Variants in CELSR3 observed in about 807,000 individuals in gnomAD.
The protein encoded by CELSR3 is EGF-like protein 1.
In CELSR3, 73 loss-of-function variants were observed where a neutral mutation model predicts 270.0. The observed-to-expected ratio is 0.27, with a 90% CI of 0.22 to 0.33. The LOEUF (loss-of-function observed/expected upper bound fraction) is 0.33. Among genes scored for constraint, CELSR3 ranks in the 10% least tolerant of loss-of-function variants. The pLI is 1.00. For synonymous variants in CELSR3, 1,780 were observed against 1,905.4 expected, an observed-to-expected ratio of 0.93 and a Z score of 1.71; for missense variants, 3,614 against 4,533.8, an observed-to-expected ratio of 0.80 and a Z score of 5.83.
In CELSR3 at chr3:48,658,431, T is replaced by TA. The variant is rs1488173726; in HGVS notation, c.3748+455dup. On this transcript the variant is annotated intron_variant, in intron 1 of 34. Transcript: ENST00000164024. This position sits in a 1 kb window ranked among gnomAD's most constrained non-coding sequence, Gnocchi z 4.7. Reference sequence around the variant, plus strand: ...AGCCACTGTCCACCTGAAGCTTCCATAGTAAGCTGCTGTTCCTGACCACTC... The same window carrying TA: ...AGCCACTGTCCACCTGAAGCTTCCATAAGTAAGCTGCTGTTCCTGACCACTC... Among the ~76,000 whole-genome samples, 1 of 152,188 alleles carries TA rather than the reference T, an allele frequency of 6.6e-6. No individual in the cohort carries two copies. The highest frequency in any genetic ancestry group is 6.5e-5 in the Admixed American group (1 of 15,278).
chr3:48,644,810 T>A lies in CELSR3; in HGVS notation c.7991A>T (p.Asp2664Val). Residue 2664 changes from aspartate (D) to valine (V), a missense_variant, in exon 26 of 35, where the codon GAC becomes GTC. Physicochemically the swap from Asp to Val is radical, Grantham distance 152 (BLOSUM62 -3). Transcript: ENST00000164024. This position sits in a 1 kb window ranked among gnomAD's most constrained non-coding sequence, Gnocchi z 4.8. ...AVLLGLAVGL[D>V]PEGYGNPDFC... is the part of the protein sequence containing the mutation. ...GTCAGGGTTCCCATAGCCCTCAGGG[T>A]CCAGGCCCACAGCAAGGCCTTGGGA... 1 of 1,613,144 alleles carries A rather than the reference T, an allele frequency of 6.2e-7. No homozygotes were observed. Among genetic ancestry groups the A allele is most frequent in the Non-Finnish European group, 8.5e-7 (1 of 1,179,862 alleles).
chr3:48,640,696 C>A lies in CELSR3; in HGVS notation c.9026-137G>T. ...GGAGCAGGAACCCCTTGGGGAGCAG[C>A]AGAGGCAACCCTGGTGGTCCCAGAG... is the stretch of plus-strand genomic sequence containing the variant. On this transcript the variant is annotated intron_variant, in intron 33 of 34. Coordinates refer to ENST00000164024, the MANE Select transcript of CELSR3 (RefSeq NM_001407.3). The surrounding 1 kb of genome is among the most constrained non-coding windows in gnomAD (Gnocchi z 7.5). 1 of 933,862 alleles carries A rather than the reference C, an allele frequency of 1.1e-6. No homozygotes were observed. The allele number at this position is 933,862 out of a possible 1,614,324, so 57.8% of individuals were successfully genotyped here. A position where few individuals can be genotyped will look rare whatever the true frequency, so the allele number is the denominator to read the frequency against.
At position 48,638,031 on chromosome 3, in the gene CELSR3, C is replaced by T. The variant is rs2046988370; in HGVS notation, c.*174G>A. The stretch of plus-strand genomic sequence containing the variant: ...GTCCCCCGTCTCTGCACCTGTCACA[C>T]GCATGCTCACAGATGCACATGGAGC... On this transcript the variant is annotated 3_prime_UTR_variant, in exon 35 of 35. Coordinates refer to ENST00000164024, the MANE Select transcript of CELSR3 (RefSeq NM_001407.3). 8 of 605,298 alleles carry T rather than the reference C, an allele frequency of 1.3e-5. No homozygotes were observed. The highest frequency in any genetic ancestry group is 2.7e-5 in the East Asian group (1 of 36,390). 37.5% of individuals were successfully genotyped at this position (605,298 alleles called of 1,614,324 possible).
Position 48,653,745 on chromosome 3 carries a change from G to A in CELSR3, c.5322C>T (p.Ser1774=), listed in dbSNP as rs1449797123. Residue 1774 remains serine (S), a synonymous_variant, in exon 9 of 35, where the codon AGC becomes AGT. Transcript: ENST00000164024. The surrounding 1 kb of genome is among the most constrained non-coding windows in gnomAD (Gnocchi z 6.5). ...PHHFRGNGTL[S]WNFGSDMAVS... is the part of the protein sequence containing the mutation. Reference sequence around the variant, plus strand: ...CAGCCATGTCACTTCCAAAGTTCCAGCTCAGTGTGCCGTTGCCACGGAAAT... The same window carrying A: ...CAGCCATGTCACTTCCAAAGTTCCAACTCAGTGTGCCGTTGCCACGGAAAT... 1 of 1,614,090 alleles carries A rather than the reference G, an allele frequency of 6.2e-7. No homozygotes were observed. The highest frequency in any genetic ancestry group is 8.5e-7 in the Non-Finnish European group (1 of 1,180,056).
Position 48,660,891 on chromosome 3 carries a change from A to G in CELSR3, c.1744T>C (p.Tyr582His), listed in dbSNP as rs1453269342. 1 of 1,613,982 alleles carries G rather than the reference A, an allele frequency of 6.2e-7. No individual in the cohort carries two copies. Among genetic ancestry groups the G allele is most frequent in the Non-Finnish European group, 8.5e-7 (1 of 1,180,034 alleles). The change falls in exon 1 of 35, where the codon TAC (tyrosine) becomes CAC (histidine). Residue 582 changes from tyrosine (Y) to histidine (H), a missense_variant. Tyr to His is a moderately conservative substitution (Grantham distance 83). This residue lies in a region of CELSR3 where 354 missense variants were observed against 500.9 expected (regional missense o/e 0.71). Transcript: ENST00000164024. This position sits in a 1 kb window ranked among gnomAD's most constrained non-coding sequence, Gnocchi z 5.5. The stretch of plus-strand genomic sequence containing the variant: ...CGGCTATTGCCACTGATGATGTTGT[A>G]GTGCACCAATCCGTTGGCGTCCTTG... Reference protein sequence around the residue: ...RDKDANGLVHYNIISGNSRGH... With the variant: ...RDKDANGLVHHNIISGNSRGH...
chr3:48,650,287 A>G lies in CELSR3; in HGVS notation c.6472+193T>C, dbSNP rs1178964030. Reference sequence around the variant, plus strand: ...ACGTACCCCTTACCTGCACCCCGCAATCCTGCCCAGAAGCCAAGAGAAACA... The same window carrying G: ...ACGTACCCCTTACCTGCACCCCGCAGTCCTGCCCAGAAGCCAAGAGAAACA... On this transcript the variant is annotated intron_variant, in intron 16 of 34. Transcript: ENST00000164024. The surrounding 1 kb of genome is among the most constrained non-coding windows in gnomAD (Gnocchi z 5.1). 2.9e-6 allele frequency: 2 copies of G among 683,882 alleles called. No homozygotes were observed. The highest frequency in any genetic ancestry group is 5.6e-5 in the East Asian group (2 of 35,472). The allele number at this position is 683,882 out of a possible 1,614,324, so 42.4% of individuals were successfully genotyped here.
chr3:48,660,431 G>A lies in CELSR3; in HGVS notation c.2204C>T (p.Pro735Leu). 1.2e-6 allele frequency: 2 copies of A among 1,614,116 alleles called. No individual in the cohort carries two copies. Among genetic ancestry groups the A allele is most frequent in the South Asian group, 1.1e-5 (1 of 91,072 alleles). The change falls in exon 1 of 35, where the codon CCA becomes CTA. Residue 735 changes from proline to leucine, a missense_variant. Transcript: ENST00000164024. This position sits in a 1 kb window ranked among gnomAD's most constrained non-coding sequence, Gnocchi z 5.5. ...GVEARDHGSP[P>L]LSASASVTVT... ...GGTGACACTGGCTGAGGCAGAGAGT[G>A]GGGGTGAGCCATGGTCTCGAGCCTC...
At position 48,646,675 on chromosome 3, in the gene CELSR3, TG is replaced by T; in HGVS notation, c.7295+87del. 1 of 1,316,682 alleles carries T rather than the reference TG, an allele frequency of 7.6e-7. No individual in the cohort carries two copies. Among genetic ancestry groups the T allele is most frequent in the South Asian group, 1.4e-5 (1 of 72,140 alleles). The allele number at this position is 1,316,682 out of a possible 1,614,324, so 81.6% of individuals were successfully genotyped here. A position where few individuals can be genotyped will look rare whatever the true frequency, so the allele number is the denominator to read the frequency against. ...CCCTGGAGCTGTGCTCCTCTCTGTG[TG>T]TTGTGAACCTACGCATCTACCCACC... On this transcript the variant is annotated intron_variant, in intron 21 of 34. Transcript: ENST00000164024. This position sits in a 1 kb window ranked among gnomAD's most constrained non-coding sequence, Gnocchi z 4.8.
rs1036849778 is a variant in CELSR3 at position 48,658,492 on chromosome 3, G to A, written c.3748+395C>T. On this transcript the variant is annotated intron_variant, in intron 1 of 34. Coordinates refer to ENST00000164024, the MANE Select transcript of CELSR3 (RefSeq NM_001407.3). This position sits in a 1 kb window ranked among gnomAD's most constrained non-coding sequence, Gnocchi z 4.7. ...CATTTCCTGCACAGATAGGGTAAGCGTCAGACTGGACCCAAAGTAACCCTT... is the reference window on the plus strand; with the variant it reads ...CATTTCCTGCACAGATAGGGTAAGCATCAGACTGGACCCAAAGTAACCCTT... 6.6e-6 allele frequency among the ~76,000 whole-genome samples: 1 copy of A among 152,164 alleles called. No homozygotes were observed. Among genetic ancestry groups the A allele is most frequent in the Non-Finnish European group, 1.5e-5 (1 of 68,022 alleles).
Position 48,645,392 on chromosome 3 carries a change from C to A in CELSR3, c.7797+51G>T. The A allele has an allele frequency of 6.2e-7, 1 of 1,607,298 alleles. No individual in the cohort carries two copies. The highest frequency in any genetic ancestry group is 1.3e-5 in the African/African-American group (1 of 74,928). On this transcript the variant is annotated intron_variant, in intron 24 of 34. Coordinates refer to ENST00000164024, the MANE Select transcript of CELSR3 (RefSeq NM_001407.3). The surrounding 1 kb of genome is among the most constrained non-coding windows in gnomAD (Gnocchi z 5.4). ...ACCCTGAGTTTTGGCCCCAGGCCTCCTGGGCCAGTAGGGTCATCAGGACAC... is the reference window on the plus strand; with the variant it reads ...ACCCTGAGTTTTGGCCCCAGGCCTCATGGGCCAGTAGGGTCATCAGGACAC...
rs1292976606 is a variant in CELSR3 at position 48,651,271 on chromosome 3, C to T, written c.6186+88G>A. 3.8e-6 allele frequency: 6 copies of T among 1,576,620 alleles called. No individual in the cohort carries two copies. The highest frequency in any genetic ancestry group is 5.2e-6 in the Non-Finnish European group (6 of 1,156,294). ...ACAGGACACAGGCAAGAGGTTAGGG[C>T]CCAAGTCAGGTGGCGGAGGTCAGCA... is the stretch of plus-strand genomic sequence containing the variant. On this transcript the variant is annotated intron_variant, in intron 14 of 34. Coordinates refer to ENST00000164024, the MANE Select transcript of CELSR3 (RefSeq NM_001407.3). This position sits in a 1 kb window ranked among gnomAD's most constrained non-coding sequence, Gnocchi z 7.4.
rs756008244 is a variant in CELSR3, at chr3:48,643,099, G to A, written c.8290-16C>T. On this transcript the variant is annotated splice_polypyrimidine_tract_variant and intron_variant, in intron 28 of 34. Transcript: ENST00000164024. ...CCGCCAGGCCCTGTGGGTCAGCGAGGGTCAAAGCAGAGTCGGCAGGGATCA... is the reference window on the plus strand; with the variant it reads ...CCGCCAGGCCCTGTGGGTCAGCGAGAGTCAAAGCAGAGTCGGCAGGGATCA... 2 of 1,553,650 alleles carry A rather than the reference G, an allele frequency of 1.3e-6. No individual in the cohort carries two copies. The highest frequency in any genetic ancestry group is 2.2e-5 in the South Asian group (2 of 89,700).
At position 48,658,087 on chromosome 3, in the gene CELSR3, G is replaced by A. The variant is rs1392382458; in HGVS notation, c.3749-739C>T. Among the ~76,000 whole-genome samples the A allele has an allele frequency of 6.6e-6, 1 of 152,210 alleles. No individual in the cohort carries two copies. The highest frequency in any genetic ancestry group is 1.5e-5 in the Non-Finnish European group (1 of 68,040). On this transcript the variant is annotated intron_variant, in intron 1 of 34. Coordinates refer to ENST00000164024, the MANE Select transcript of CELSR3 (RefSeq NM_001407.3). The surrounding 1 kb of genome is among the most constrained non-coding windows in gnomAD (Gnocchi z 4.7). ...AGAGATGAAGGTGAGGTGCTTAGCT[G>A]CCTTGTTCGTCTTGTCCCCACACCC...
chr3:48,645,991 C>A lies in CELSR3; in HGVS notation c.7463+99G>T. 1 of 1,577,396 alleles carries A rather than the reference C, an allele frequency of 6.3e-7. No homozygotes were observed. Among genetic ancestry groups the A allele is most frequent in the Non-Finnish European group, 8.6e-7 (1 of 1,157,044 alleles). On this transcript the variant is annotated intron_variant, in intron 22 of 34. Transcript: ENST00000164024. This position sits in a 1 kb window ranked among gnomAD's most constrained non-coding sequence, Gnocchi z 5.4. ...ACAGCATTCCTCATGGTCCGGGTTGCACAACAGCACTAGTGGGGGCCCCAG... is the reference window on the plus strand; with the variant it reads ...ACAGCATTCCTCATGGTCCGGGTTGAACAACAGCACTAGTGGGGGCCCCAG...
In CELSR3 at chr3:48,644,412, T is replaced by C; in HGVS notation, c.8086-117A>G. On this transcript the variant is annotated intron_variant, in intron 26 of 34. Coordinates refer to ENST00000164024, the MANE Select transcript of CELSR3 (RefSeq NM_001407.3). The surrounding 1 kb of genome is among the most constrained non-coding windows in gnomAD (Gnocchi z 4.8). Reference sequence around the variant, plus strand: ...GGAGAGAGGCAGAACCAGTGAGAAATTCACACATATACACACACACCAAAG... The same window carrying C: ...GGAGAGAGGCAGAACCAGTGAGAAACTCACACATATACACACACACCAAAG... 1 of 912,318 alleles carries C rather than the reference T, an allele frequency of 1.1e-6. No individual in the cohort carries two copies. The highest frequency in any genetic ancestry group is 1.5e-5 in the South Asian group (1 of 68,754). The allele number at this position is 912,318 out of a possible 1,614,324, so 56.5% of individuals were successfully genotyped here.
rs1427324080 is a variant in CELSR3 at position 48,639,007 on chromosome 3, G to A, written c.9911+667C>T. Among the ~76,000 whole-genome samples, 2 of 151,676 alleles carry A rather than the reference G, an allele frequency of 1.3e-5. No homozygotes were observed. Among genetic ancestry groups the A allele is most frequent in the African/African-American group, 4.8e-5 (2 of 41,244 alleles). ...CTTACAAGAGACCTGGAAGCTCCTG[G>A]TTCCTCCCCACTCCCACCAGTCCCT... is the stretch of plus-strand genomic sequence containing the variant. On this transcript the variant is annotated intron_variant, in intron 34 of 34. Transcript: ENST00000164024. This position sits in a 1 kb window ranked among gnomAD's most constrained non-coding sequence, Gnocchi z 4.1.
In CELSR3 at chr3:48,660,313, A is replaced by G. The variant is rs779113277; in HGVS notation, c.2322T>C (p.Ser774=). The part of the protein sequence containing the change: ...RLNEDAAVGT[S]VVSVTAVDRD... The stretch of plus-strand genomic sequence containing the variant: ...GGTCTACTGCGGTCACGCTGACCAC[A>G]CTGGTGCCCACAGCTGCATCCTCAT... Residue 774 remains serine (S), a synonymous_variant, in exon 1 of 35, where the codon AGT becomes AGC. Transcript: ENST00000164024. This position sits in a 1 kb window ranked among gnomAD's most constrained non-coding sequence, Gnocchi z 5.5. The G allele has an allele frequency of 6.2e-7, 1 of 1,614,080 alleles. No homozygotes were observed. Among genetic ancestry groups the G allele is most frequent in the Non-Finnish European group, 8.5e-7 (1 of 1,180,000 alleles).
Position 48,656,908 on chromosome 3 carries a change from C to G in CELSR3, c.4189G>C (p.Asp1397His). ...GAGGCCAGGAAGGGCGCGGACGAGT[C>G]AAAGCGGAGCACGGACACGCATTTC... Reference protein sequence around the residue: ...YMKCVSVLRFDSSAPFLASAS... With the variant: ...YMKCVSVLRFHSSAPFLASAS... The change falls in exon 2 of 35, where the codon GAC becomes CAC. Residue 1397 changes from aspartate (D) to histidine (H), a missense_variant. Around this residue, in one of 7 missense-constraint regions of CELSR3, gnomAD observed 1,331 missense variants for 1,933.7 expected, o/e 0.69. Coordinates refer to ENST00000164024, the MANE Select transcript of CELSR3 (RefSeq NM_001407.3). 1 of 1,610,316 alleles carries G rather than the reference C, an allele frequency of 6.2e-7. No homozygotes were observed. The highest frequency in any genetic ancestry group is 8.5e-7 in the Non-Finnish European group (1 of 1,178,246).
At position 48,654,994 on chromosome 3, in the gene CELSR3, G is replaced by A; in HGVS notation, c.4988+50C>T. 2 of 1,570,472 alleles carry A rather than the reference G, an allele frequency of 1.3e-6. No homozygotes were observed. Among genetic ancestry groups the A allele is most frequent in the African/African-American group, 2.7e-5 (2 of 74,050 alleles). On this transcript the variant is annotated intron_variant, in intron 6 of 34. Transcript: ENST00000164024. This position sits in a 1 kb window ranked among gnomAD's most constrained non-coding sequence, Gnocchi z 5.4. ...GAGGAATGGGATGTGAAGGGTTGGA[G>A]TGGGCTTTGGTAGGCAGGGGACAAG...
Sources: allele counts gnomAD v4.1 joint callset (sites outside exome capture counted in the v4.1 genomes callset), GRCh38; gene constraint gnomAD v4.1.1; regional missense constraint gnomAD v4.1.1; non-coding constraint Gnocchi (gnomAD v3.1); transcripts MANE v1.5; gene names NCBI Gene and HGNC (gene_info 2026-07-23, HGNC 2026-07-21).